The following ALDH5A1 variants were observed in gnomAD, a reference collection of about 807,000 sequenced individuals.
ALDH5A1 encodes aldehyde dehydrogenase 5 family member A1.
Under a neutral mutation model 54.7 loss-of-function variants are expected in ALDH5A1, and 33 were observed. The observed-to-expected ratio is 0.60, with a 90% CI of 0.46 to 0.81. The LOEUF is 0.81. ALDH5A1 is among the 30% of genes least tolerant of loss of function. The pLI is 0.00. For missense variants in ALDH5A1, 657 were observed against 711.0 expected (o/e 0.92, Z 0.86); for synonymous variants, 294 against 292.7 (o/e 1.00, Z -0.05).
At chr6:24,504,277 GAGTA>G (rs1180912790) in intron 3 of ALDH5A1, among the ~76,000 whole-genome samples, 1 of 152,114 alleles carries the variant, frequency 6.6e-6, no homozygotes, top group Non-Finnish European at 1.5e-5. Flanking sequence ...ACCTGATACA[GAGTA>G]AGTACTATAT....
chr6:24,495,316 A>G lies in ALDH5A1; in HGVS notation c.320A>G (p.Glu107Gly), dbSNP rs1270917949. The G allele has an allele frequency of 4.6e-6, 7 of 1,533,094 alleles. No individual in the cohort carries two copies. Among genetic ancestry groups the G allele is most frequent in the Non-Finnish European group, 6.1e-6 (7 of 1,146,412 alleles). The allele number at this position is 1,533,094 out of a possible 1,614,324, so 95.0% of individuals were successfully genotyped here. The change falls in exon 1 of 10, where the codon GAG becomes GGG. Residue 107 changes from glutamate (E) to glycine (G), a missense_variant. This residue lies in a region of ALDH5A1 where 232 missense variants were observed against 194.6 expected (regional missense o/e 1.19). Coordinates refer to ENST00000357578, the MANE Select transcript of ALDH5A1 (RefSeq NM_001080.3). The part of the protein sequence containing the change: ...EARAAVRAAY[E>G]AFCRWREVSA... ...CGCGCCGCCGTGCGCGCTGCCTACG[A>G]GGCTTTCTGCCGCTGGAGGGAGGTC...
Position 24,511,545 on chromosome 6 carries a change from A to G in ALDH5A1, c.727-3622A>G, listed in dbSNP as rs1247467665. ...TATGCTTTTTTCTTTGTCTTTGTTG[A>G]TTGGGTTAATTTGAAAACCTTGTCT... On this transcript the variant is annotated intron_variant, in intron 4 of 9. Transcript: ENST00000357578. 3.3e-5 allele frequency among the ~76,000 whole-genome samples: 5 copies of G among 151,784 alleles called. No homozygotes were observed. The East Asian group carries it at 9.7e-4, about 29-fold the overall frequency.
chr6:24,513,753 G>A (rs1180634845), intron 4 of ALDH5A1, among the ~76,000 whole-genome samples: 1 of 145,656 alleles, frequency 6.9e-6, no homozygotes, highest in East Asian at 2.0e-4. Context: ...TGTTCTCAGA[G>A]GAACAGCTGT....
At chr6:24,526,021 G>A (rs1421100834) in intron 7 of ALDH5A1, among the ~76,000 whole-genome samples, 1 of 152,160 alleles carries the variant, frequency 6.6e-6, no homozygotes, top group Non-Finnish European at 1.5e-5. Flanking sequence ...GTACCTCAGG[G>A]TAGGGCTCTC....
intron 4 of ALDH5A1, among the ~76,000 whole-genome samples, chr6:24,513,177 A>C (rs568150818): frequency 6.6e-6 from 1 of 151,772 alleles, no homozygotes; most frequent in Non-Finnish European, 1.5e-5. Flanking sequence ...CTCCTGCCTC[A>C]GCCTCCCAAG....
intron 4 of ALDH5A1, among the ~76,000 whole-genome samples, chr6:24,512,930 TCCACCC>T (rs1242144288): frequency 6.6e-6 from 1 of 152,174 alleles, no homozygotes; most frequent in Non-Finnish European, 1.5e-5. Context: ...CCTCAAGTGA[TCCACCC>T]ACCTTGGCCT....
chr6:24,525,642 A>C (rs898440977), intron 7 of ALDH5A1, among the ~76,000 whole-genome samples: 5 of 152,144 alleles, frequency 3.3e-5, no homozygotes, highest in Admixed American at 3.3e-4. Context: ...CACGAGGCGG[A>C]GGTTGCAGTG....
intron 8 of ALDH5A1, among the ~76,000 whole-genome samples, chr6:24,528,604 T>C (rs1759867630): frequency 6.6e-6 from 1 of 151,998 alleles, no homozygotes; most frequent in Admixed American, 6.6e-5. Context: ...CCTCAGGTAG[T>C]CCTGCGTTGG....
rs1279730276 is a variant in ALDH5A1, at chr6:24,526,502, A to G, written c.1174-1495A>G. Among the ~76,000 whole-genome samples, 6 of 152,282 alleles carry G rather than the reference A, an allele frequency of 3.9e-5. No homozygotes were observed. The East Asian group carries it at 1.2e-3, about 29-fold the overall frequency. On this transcript the variant is annotated intron_variant, in intron 7 of 9. Coordinates refer to ENST00000357578, the MANE Select transcript of ALDH5A1 (RefSeq NM_001080.3). ...TCTAGGAAATGAAGCAATGAAAACA[A>G]AGAGTCTGTAGAAATTAGACATATG...
At chr6:24,501,692 C>G (rs1465493295) in intron 1 of ALDH5A1, among the ~76,000 whole-genome samples, 1 of 152,050 alleles carries the variant, frequency 6.6e-6, no homozygotes, top group Non-Finnish European at 1.5e-5. Context: ...GCCTGGGTGA[C>G]AGAACAAAAC....
intron 3 of ALDH5A1, 27 bp from the exon 4 acceptor site, chr6:24,504,842 A>G (rs758889413): frequency 1.2e-6 from 2 of 1,602,658 alleles, no homozygotes; most frequent in East Asian, 2.2e-5. Context: ...TTCCTCTCAC[A>G]TACTTCCTCT....
chr6:24,499,500 T>C (rs1042001367), intron 1 of ALDH5A1, among the ~76,000 whole-genome samples: 1 of 151,838 alleles, frequency 6.6e-6, no homozygotes, highest in African/African-American at 2.4e-5. Context: ...TTTTCTTTTC[T>C]TTTTTTTCTG....
At chr6:24,499,917 C>T (rs992515886) in intron 1 of ALDH5A1, among the ~76,000 whole-genome samples, 1 of 152,156 alleles carries the variant, frequency 6.6e-6, no homozygotes, top group Non-Finnish European at 1.5e-5. Context: ...CCTCGGCCTC[C>T]CGAAGTGCTG....
At chr6:24,514,272 G>A (rs951905490) in intron 4 of ALDH5A1, among the ~76,000 whole-genome samples, 1 of 152,176 alleles carries the variant, frequency 6.6e-6, no homozygotes, top group African/African-American at 2.4e-5. Flanking sequence ...GCTTTGCACT[G>A]CTGCCCTGCA....
At chr6:24,508,726 A>C (rs1429562477) in intron 4 of ALDH5A1, among the ~76,000 whole-genome samples, 2 of 152,210 alleles carry the variant, frequency 1.3e-5, no homozygotes, top group African/African-American at 2.4e-5. Context: ...ACTAGTTTAC[A>C]TTCCCACCAG....
chr6:24,515,200 T>A lies in ALDH5A1; in HGVS notation c.760T>A (p.Tyr254Asn). The change falls in exon 5 of 10, where the codon TAC (tyrosine) becomes AAC (asparagine). Residue 254 changes from tyrosine to asparagine, a missense_variant. By Grantham distance (143) the Tyr-to-Asn change is moderately radical. Coordinates refer to ENST00000357578, the MANE Select transcript of ALDH5A1 (RefSeq NM_001080.3). Reference sequence around the variant, plus strand: ...CCAGGCTGGGATTCCTTCAGGTGTATACAATGTTATTCCCTGTTCTCGAAA... The same window carrying A: ...CCAGGCTGGGATTCCTTCAGGTGTAAACAATGTTATTCCCTGTTCTCGAAA... ...ASQAGIPSGV[Y>N]NVIPCSRKNA... The A allele has an allele frequency of 1.2e-6, 2 of 1,612,366 alleles. No homozygotes were observed. The highest frequency in any genetic ancestry group is 1.7e-5 in the Admixed American group (1 of 59,882).
At position 24,495,081 on chromosome 6, in the gene ALDH5A1, G is replaced by A. The variant is rs940450388; in HGVS notation, c.85G>A (p.Gly29Ser). The part of the protein sequence containing the change: ...FPGCRLRPRA[G>S]GLVPASGPAP... ...AGGCTGCCGCCTCCGCCCCCGCGCC[G>A]GCGGCCTGGTCCCTGCCTCCGGGCC... Residue 29 changes from glycine to serine, a missense_variant, in exon 1 of 10, where the codon GGC (glycine) becomes AGC (serine). Transcript: ENST00000357578. The A allele has an allele frequency of 4.5e-6, 6 of 1,319,176 alleles. No homozygotes were observed. The African/African-American group carries it at 9.1e-5, about 20-fold the overall frequency. 81.7% of individuals were successfully genotyped at this position (1,319,176 alleles called of 1,614,324 possible). A position where few individuals can be genotyped will look rare whatever the true frequency, so the allele number is the denominator to read the frequency against.
chr6:24,497,322 C>T (rs1810473), intron 1 of ALDH5A1, among the ~76,000 whole-genome samples: 45,955 of 150,102 alleles, frequency 0.31, 8,486 homozygotes, highest in Non-Finnish European at 0.42. Flanking sequence ...CTGATTGGTG[C>T]GTTTTACAGA....
chr6:24,498,202 T>G (rs1764749675), intron 1 of ALDH5A1, among the ~76,000 whole-genome samples: 1 of 152,128 alleles, frequency 6.6e-6, no homozygotes, highest in Non-Finnish European at 1.5e-5. Flanking sequence ...CTTATTGAGT[T>G]TGAGATGTCG....
Sources: allele counts gnomAD v4.1 joint callset (sites outside exome capture counted in the v4.1 genomes callset), GRCh38; gene constraint gnomAD v4.1.1; regional missense constraint gnomAD v4.1.1; transcripts MANE v1.5; gene names NCBI Gene and HGNC (gene_info 2026-07-23, HGNC 2026-07-21).